The following CLIC2 variants were observed in gnomAD, a reference collection of about 807,000 sequenced individuals.
CLIC2 encodes the protein chloride intracellular channel protein 2.
In CLIC2, 9 loss-of-function variants were observed where a neutral mutation model predicts 14.8. That is an observed-to-expected ratio of 0.61 (90% CI 0.37 to 1.06). The LOEUF is 1.06. CLIC2 is among the 50% of genes least tolerant of loss of function. The pLI, the probability that CLIC2 is intolerant of heterozygous loss-of-function variation, is 0.01. For synonymous variants in CLIC2, 61 were observed against 66.3 expected, an observed-to-expected ratio of 0.92 and a Z score of 0.39; for missense variants, 148 against 181.4, an observed-to-expected ratio of 0.82 and a Z score of 1.06.
intron 3 of CLIC2, among the ~76,000 whole-genome samples, chrX:155,280,990 GATAT>G (rs373277985): frequency 5.1e-4 from 46 of 89,879 alleles, no homozygotes; most frequent in African/African-American, 1.7e-3. Context: ...GAAATTGTGA[GATAT>G]ATATATATAT....
intron 1 of CLIC2, among the ~76,000 whole-genome samples, chrX:155,301,508 A>G (rs1231306736): frequency 5.5e-4 from 59 of 106,557 alleles, no homozygotes; most frequent in South Asian, 2.2e-3. Context: ...TAGATCTACA[A>G]TCATGTCGTC....
intron 1 of CLIC2, among the ~76,000 whole-genome samples, chrX:155,302,089 C>T (rs1557319205): frequency 1.9e-5 from 2 of 104,154 alleles, no homozygotes; most frequent in Non-Finnish European, 2.0e-5. Flanking sequence ...TGATGCTGGC[C>T]TCATAAAATG....
At chrX:155,310,124 T>G (rs1384022707) in intron 1 of CLIC2, 1 of 114,568 alleles carries the variant, frequency 8.7e-6, no homozygotes, top group Admixed American at 9.3e-5. Context: ...ACAGGCCCTA[T>G]GCAAGTCTGG....
At chrX:155,279,714 C>T (rs2074911687) in intron 4 of CLIC2, among the ~76,000 whole-genome samples, 1 of 111,551 alleles carries the variant, frequency 9.0e-6, no homozygotes, top group African/African-American at 3.3e-5. Context: ...GGTACACAGT[C>T]CTGCAGTTAG....
Position 155,277,796 on chromosome X carries a change from G to T in CLIC2, c.*107C>A. 1.5e-6 allele frequency: 1 copy of T among 669,072 alleles called. No homozygotes were observed. The highest frequency in any genetic ancestry group is 2.4e-6 in the Non-Finnish European group (1 of 421,132). The allele number at this position is 669,072 out of a possible 1,213,427, so 55.1% of individuals were successfully genotyped here. A position where few individuals can be genotyped will look rare whatever the true frequency, so the allele number is the denominator to read the frequency against. ...AGAGTTCCTTTTCATAAGAGAGTTG[G>T]ATAGAAGAAACAGTATTTTTCATAT... On this transcript the variant is annotated 3_prime_UTR_variant, in exon 6 of 6. Transcript: ENST00000369449.
chrX:155,315,288 T>G (rs1271004330), intron 1 of CLIC2, among the ~76,000 whole-genome samples: 1 of 111,924 alleles, frequency 8.9e-6, no homozygotes, highest in African/African-American at 3.2e-5. Context: ...AAAAAGATAA[T>G]TGCCTAGGCA....
intron 3 of CLIC2, among the ~76,000 whole-genome samples, chrX:155,297,057 T>A (rs782174150): frequency 1.8e-5 from 2 of 112,082 alleles, no homozygotes; most frequent in East Asian, 5.6e-4. Flanking sequence ...ATGGAATCGA[T>A]CTAAGTGTCC....
intron 3 of CLIC2, chrX:155,293,304 C>G: frequency 6.5e-6 from 7 of 1,077,724 alleles, no homozygotes; most frequent in Non-Finnish European, 9.0e-6. Context: ...GGTACAAGCC[C>G]AAAGTCATTC....
chrX:155,305,844 T>C (rs1432151308), intron 1 of CLIC2, among the ~76,000 whole-genome samples: 2 of 112,377 alleles, frequency 1.8e-5, no homozygotes, highest in East Asian at 5.6e-4. Flanking sequence ...GCTTTTTCTC[T>C]ACGTGGTCTG....
intron 1 of CLIC2, among the ~76,000 whole-genome samples, chrX:155,306,032 G>C (rs1253731297): frequency 9.0e-6 from 1 of 111,722 alleles, no homozygotes. Flanking sequence ...AAGTGTATGA[G>C]GACTTCTTTA....
intron 1 of CLIC2, 31 bp from the exon 2 acceptor site, chrX:155,299,176 T>C: frequency 9.2e-7 from 1 of 1,087,505 alleles, no homozygotes; most frequent in Non-Finnish European, 1.3e-6. Context: ...CTCAGTTCAT[T>C]TGTTTGTTCA....
At chrX:155,294,855 A>G (rs2074987100) in intron 3 of CLIC2, among the ~76,000 whole-genome samples, 3 of 112,001 alleles carry the variant, frequency 2.7e-5, no homozygotes, top group Middle Eastern at 4.6e-3. Flanking sequence ...ACAGACCAAT[A>G]ATGAGTAGCA....
chrX:155,324,487 C>G (rs937627458), intron 1 of CLIC2, among the ~76,000 whole-genome samples: 1 of 111,466 alleles, frequency 9.0e-6, no homozygotes. Flanking sequence ...TGATCTTTGA[C>G]AAACCTGACA....
chrX:155,311,633 T>A (rs1448444027), intron 1 of CLIC2, among the ~76,000 whole-genome samples: 1 of 112,095 alleles, frequency 8.9e-6, no homozygotes, highest in Non-Finnish European at 1.9e-5. Flanking sequence ...TTTTTGAGTA[T>A]CTTTTAAGTA....
chrX:155,313,973 G>A (rs1292239919), intron 1 of CLIC2, among the ~76,000 whole-genome samples: 2 of 111,043 alleles, frequency 1.8e-5, no homozygotes, highest in Non-Finnish European at 3.8e-5. Flanking sequence ...TTATCCCCGT[G>A]GGAACATAAC....
chrX:155,284,687 G>A (rs2074935070), intron 3 of CLIC2, among the ~76,000 whole-genome samples: 1 of 111,943 alleles, frequency 8.9e-6, no homozygotes, highest in Admixed American at 9.5e-5. Flanking sequence ...CCTCAGCCCT[G>A]GGGAAGCTCT....
chrX:155,286,072 T>C (rs2074941717), intron 3 of CLIC2, among the ~76,000 whole-genome samples: 1 of 111,993 alleles, frequency 8.9e-6, no homozygotes, highest in African/African-American at 3.2e-5. Flanking sequence ...GATTATTTCA[T>C]CACCAAGGTA....
intron 1 of CLIC2, among the ~76,000 whole-genome samples, chrX:155,299,363 A>G (rs1231582408): frequency 1.8e-5 from 2 of 110,814 alleles, no homozygotes; most frequent in East Asian, 2.8e-4. Context: ...TAAATTTTAT[A>G]TATTATCAGA....
intron 1 of CLIC2, among the ~76,000 whole-genome samples, chrX:155,332,540 T>G (rs782295037): frequency 1.3e-4 from 15 of 111,801 alleles, no homozygotes; most frequent in Non-Finnish European, 2.8e-4. Context: ...ACATAGCTAT[T>G]TTAAAGGAAT....
Sources: allele counts gnomAD v4.1 joint callset (sites outside exome capture counted in the v4.1 genomes callset), GRCh38; gene constraint gnomAD v4.1.1; transcripts MANE v1.5; gene names NCBI Gene and HGNC (gene_info 2026-07-23, HGNC 2026-07-21).